Variants in SHISA9 observed in about 807,000 individuals in gnomAD.
SHISA9 encodes the protein shisa family member 9.
A neutral mutation model predicts 38.0 loss-of-function variants in SHISA9; 13 were observed. That is an observed-to-expected ratio of 0.34 (90% CI 0.22 to 0.54). SHISA9 has a LOEUF of 0.54. Among genes scored for constraint, SHISA9 ranks in the 20% least tolerant of loss-of-function variants. The pLI is 0.91. For synonymous variants in SHISA9, 275 were observed against 242.0 expected (o/e 1.14, Z -1.27); for missense variants, 538 against 575.8 (o/e 0.93, Z 0.67).
chr16:13,474,146 G>C, the SHISA9 span: 24 of 152,158 alleles, frequency 1.6e-4, no homozygotes, highest in African/African-American at 5.1e-4. Context: ...TTTTTTTCTT[G>C]GTTTCTGTTA....
At chr16:13,242,601 C>T (rs541766740), downstream of SHISA9, among the ~76,000 whole-genome samples, 40 of 152,336 alleles carry the variant, frequency 2.6e-4, no homozygotes, top group Middle Eastern at 6.8e-3. Flanking sequence ...CTCCAGGAGA[C>T]TTGGCTGGTG....
At chr16:13,443,938 A>G in the SHISA9 span, among the ~76,000 whole-genome samples, 1 of 152,242 alleles carries the variant, frequency 6.6e-6, no homozygotes, top group Non-Finnish European at 1.5e-5. Context: ...CCAGTAACTT[A>G]CTTCCAAAGT....
At chr16:13,550,286 C>T in the SHISA9 span, among the ~76,000 whole-genome samples, 1 of 152,006 alleles carries the variant, frequency 6.6e-6, no homozygotes, top group African/African-American at 2.4e-5. Flanking sequence ...TATCTCCAGC[C>T]CCTAGAAACT....
chr16:12,914,072 G>T (rs1301476721), intron 1 of SHISA9, among the ~76,000 whole-genome samples: 7 of 138,880 alleles, frequency 5.0e-5, no homozygotes, highest in African/African-American at 1.6e-4. Flanking sequence ...TTGAGATGGA[G>T]TCTTGCTCTG....
chr16:12,925,183 A>G (rs1401310769), intron 2 of SHISA9, among the ~76,000 whole-genome samples: 4 of 151,968 alleles, frequency 2.6e-5, no homozygotes, highest in African/African-American at 9.7e-5. Flanking sequence ...AGTGTTTGTT[A>G]TTACTAATGT....
At chr16:13,296,842 G>C in the SHISA9 span, among the ~76,000 whole-genome samples, 4 of 120,104 alleles carry the variant, frequency 3.3e-5, no homozygotes, top group East Asian at 2.8e-4. Flanking sequence ...AGTGAGCTGA[G>C]AGCATGCCCT....
chr16:13,107,570 G>C (rs527527357), intron 2 of SHISA9, among the ~76,000 whole-genome samples: 1 of 151,832 alleles, frequency 6.6e-6, no homozygotes, highest in South Asian at 2.1e-4. Flanking sequence ...AGGCAGTCAA[G>C]GTGAAGATAG....
chr16:13,406,312 C>G, the SHISA9 span, among the ~76,000 whole-genome samples: 1 of 152,112 alleles, frequency 6.6e-6, no homozygotes, highest in South Asian at 2.1e-4. Flanking sequence ...TTTAATTAAC[C>G]AAGAATCAGT....
the SHISA9 span, among the ~76,000 whole-genome samples, chr16:13,247,800 G>C: frequency 6.6e-6 from 1 of 152,132 alleles, no homozygotes; most frequent in African/African-American, 2.4e-5. Flanking sequence ...GTTTCAGTTA[G>C]ATTCACATCT....
At chr16:12,976,355 C>T (rs773966337) in intron 2 of SHISA9, among the ~76,000 whole-genome samples, 10 of 152,084 alleles carry the variant, frequency 6.6e-5, no homozygotes, top group Non-Finnish European at 1.0e-4. Context: ...CCTCCCAAAG[C>T]GTTGGGATTA....
the SHISA9 span, among the ~76,000 whole-genome samples, chr16:13,455,198 C>T: frequency 6.6e-6 from 1 of 152,134 alleles, no homozygotes; most frequent in East Asian, 1.9e-4. Context: ...GATTTCCCTT[C>T]TATGCCCTAT....
At chr16:13,363,804 C>T in the SHISA9 span, among the ~76,000 whole-genome samples, 12 of 152,288 alleles carry the variant, frequency 7.9e-5, no homozygotes, top group South Asian at 2.5e-3. Flanking sequence ...TAGACGTGCA[C>T]ATTTTCAAAT....
the SHISA9 span, among the ~76,000 whole-genome samples, chr16:13,444,448 C>CAAGG: frequency 3.2e-3 from 476 of 148,274 alleles, 3 homozygotes; most frequent in African/African-American, 0.011. Context: ...AGGGAGGAAA[C>CAAGG]AAGGAAGGAA....
intron 2 of SHISA9, among the ~76,000 whole-genome samples, chr16:12,979,812 A>G (rs2072216787): frequency 1.3e-5 from 2 of 152,138 alleles, no homozygotes; most frequent in African/African-American, 4.8e-5. Flanking sequence ...TTTCTTCTCA[A>G]AAATAGATGC....
At chr16:13,018,882 AG>A (rs1414586555) in intron 2 of SHISA9, among the ~76,000 whole-genome samples, 1 of 152,236 alleles carries the variant, frequency 6.6e-6, no homozygotes, top group African/African-American at 2.4e-5. Flanking sequence ...CCAGAACCGA[AG>A]AACGCTGGAA....
chr16:13,079,808 C>CTGGGA (rs1430395320), intron 2 of SHISA9, among the ~76,000 whole-genome samples: 42 of 152,252 alleles, frequency 2.8e-4, no homozygotes, highest in Non-Finnish European at 4.4e-5. Flanking sequence ...CCATTGATTT[C>CTGGGA]TGGGACAAAA....
chr16:13,167,814 C>A (rs2142018168), intron 2 of SHISA9, among the ~76,000 whole-genome samples: 1 of 152,324 alleles, frequency 6.6e-6, no homozygotes, highest in African/African-American at 2.4e-5. Flanking sequence ...AATAAAACCT[C>A]TTTTCTTTAT....
the SHISA9 span, among the ~76,000 whole-genome samples, chr16:13,349,360 A>G: frequency 6.6e-6 from 1 of 152,218 alleles, no homozygotes; most frequent in African/African-American, 2.4e-5. Context: ...AAACTTGCCT[A>G]AAGAATGAGA....
chr16:13,213,145 C>A (rs2051135997), intron 3 of SHISA9, 108 bp from the exon 4 acceptor site: 2 of 937,184 alleles, frequency 2.1e-6, no homozygotes, highest in African/African-American at 3.3e-5. Flanking sequence ...CCTGTCCCTG[C>A]TTGGAGGCTG....
Sources: allele counts gnomAD v4.1 joint callset (sites outside exome capture counted in the v4.1 genomes callset), GRCh38; gene constraint gnomAD v4.1.1; transcripts MANE v1.5; gene names NCBI Gene and HGNC (gene_info 2026-07-23, HGNC 2026-07-21).